Variants in GGA3 observed in about 807,000 individuals in gnomAD.
GGA3 encodes golgi associated, gamma adaptin ear containing, ARF binding protein 3.
Under a neutral mutation model 77.5 loss-of-function variants are expected in GGA3, and 57 were observed. That is an observed-to-expected ratio of 0.74 (90% CI 0.59 to 0.92). The LOEUF (loss-of-function observed/expected upper bound fraction) is 0.92, where lower values mean the gene tolerates loss of function less well. Among genes scored for constraint, GGA3 ranks in the 40% least tolerant of loss-of-function variants. The pLI, the probability that GGA3 is intolerant of heterozygous loss-of-function variation, is 0.00. For synonymous variants in GGA3, 416 were observed against 383.7 expected (o/e 1.08, Z -0.98); for missense variants, 970 against 914.9 (o/e 1.06, Z -0.78).
chr17:75,243,768 C>T (rs1443562506), intron 4 of GGA3, among the ~76,000 whole-genome samples, 198 bp from the exon 5 acceptor site: 1 of 152,146 alleles, frequency 6.6e-6, no homozygotes, highest in Non-Finnish European at 1.5e-5. Context: ...TGGATACAGT[C>T]TGTGGATAGG....
intron 1 of GGA3, among the ~76,000 whole-genome samples, chr17:75,250,943 T>G (rs1000105026): frequency 6.7e-6 from 1 of 150,088 alleles, no homozygotes; most frequent in Admixed American, 6.7e-5. Flanking sequence ...TAGCTGGGCA[T>G]GGTTCCGCGC....
In GGA3 at chr17:75,237,609, T is replaced by G. The variant is rs1717307967; in HGVS notation, c.*670A>C. On this transcript the variant is annotated 3_prime_UTR_variant, in exon 17 of 17. Transcript: ENST00000537686. ...GGGCCTGTCATGAGGCCAAATTCCATGTCCTGCCAAGATGTCCATAGGACA... is the reference window on the plus strand; with the variant it reads ...GGGCCTGTCATGAGGCCAAATTCCAGGTCCTGCCAAGATGTCCATAGGACA... The G allele has an allele frequency of 6.5e-7, 1 of 1,530,784 alleles. No individual in the cohort carries two copies. 94.8% of individuals were successfully genotyped at this position (1,530,784 alleles called of 1,614,324 possible).
rs747556788 is a variant in GGA3, at chr17:75,243,436, C to G, written c.424+11G>C. On this transcript the variant is annotated intron_variant, in intron 5 of 16. Transcript: ENST00000537686. ...GGGCTGCCTGGAGGCTGCGGGCAGG[C>G]AGACACGTACCCTGTCTCTTCAGCA... 2.5e-6 allele frequency: 4 copies of G among 1,613,958 alleles called. No homozygotes were observed. In the Admixed American group the frequency reaches 6.7e-5, roughly 27 times the overall value.
chr17:75,257,918 G>A (rs1212995068), intron 1 of GGA3, among the ~76,000 whole-genome samples: 3 of 152,100 alleles, frequency 2.0e-5, no homozygotes, highest in Admixed American at 6.6e-5. Context: ...ACATCCAGAT[G>A]GCCTGACGTA....
chr17:75,252,902 T>C (rs2077018799), intron 1 of GGA3, among the ~76,000 whole-genome samples: 1 of 152,186 alleles, frequency 6.6e-6, no homozygotes, highest in Admixed American at 6.5e-5. Context: ...CTTCACCGCC[T>C]ATCCCAAAAC....
At chr17:75,246,616 C>CT in intron 2 of GGA3, 32 bp from the exon 3 acceptor site, 2 of 1,602,098 alleles carry the variant, frequency 1.2e-6, no homozygotes, top group Non-Finnish European at 1.7e-6. Flanking sequence ...CTCCAGTGCA[C>CT]TAAGCCTGGG....
At chr17:75,261,908 C>A, upstream of GGA3, 2 of 1,608,438 alleles carry the variant, frequency 1.2e-6, no homozygotes, top group Non-Finnish European at 1.7e-6. Flanking sequence ...AAGATGGCTG[C>A]CCCCGCAGTG....
rs115317716 is a variant in GGA3 at position 75,240,798 on chromosome 17, C to A, written c.1192+14G>T. On this transcript the variant is annotated intron_variant, in intron 11 of 16. Coordinates refer to ENST00000537686, the MANE Select transcript of GGA3 (RefSeq NM_138619.4). ...CTGTCAGGGGATGCCCCTGACGCCCCCTGTGGGCCGCACCCAAGCAGAGTA... is the reference window on the plus strand; with the variant it reads ...CTGTCAGGGGATGCCCCTGACGCCCACTGTGGGCCGCACCCAAGCAGAGTA... 4 of 1,601,060 alleles carry A rather than the reference C, an allele frequency of 2.5e-6. No homozygotes were observed. The East Asian group carries it at 8.9e-5, about 36-fold the overall frequency.
rs779049790 is a variant in GGA3, at chr17:75,238,366, C to G, written c.2085G>C (p.Lys695Asn). ...GCTGCTCCCCCAGGGCGAAGGTCAG[C>G]TTATACCGAAGCCGCACCTTCTCCT... is the stretch of plus-strand genomic sequence containing the variant. Reference protein sequence around the residue: ...PLKEKVRLRYKLTFALGEQLS... With the variant: ...PLKEKVRLRYNLTFALGEQLS... The change falls in exon 17 of 17, where the codon AAG becomes AAC. Residue 695 changes from lysine to asparagine, a missense_variant. By Grantham distance (94) the Lys-to-Asn change is moderately conservative (BLOSUM62 0). Coordinates refer to ENST00000537686, the MANE Select transcript of GGA3 (RefSeq NM_138619.4). 1 of 1,613,846 alleles carries G rather than the reference C, an allele frequency of 6.2e-7. No homozygotes were observed. The highest frequency in any genetic ancestry group is 8.5e-7 in the Non-Finnish European group (1 of 1,179,978).
rs777651122 is a variant in GGA3 at position 75,240,972 on chromosome 17, T to A, written c.1032A>T (p.Pro344=). The change falls in exon 11 of 17, where the codon CCA becomes CCT. Residue 344 remains proline, a synonymous_variant. Coordinates refer to ENST00000537686, the MANE Select transcript of GGA3 (RefSeq NM_138619.4). ...TTNSLSSVLA[P]APTPPSSGIP... ...TGCCTGAGGAGGGTGGAGTAGGTGC[T>A]GGGGCCAACACGGAGGACAAACTGT... 6.8e-6 allele frequency: 11 copies of A among 1,614,058 alleles called. No individual in the cohort carries two copies. In the South Asian group the frequency reaches 1.1e-4, roughly 16 times the overall value.
At chr17:75,242,138 C>T in intron 8 of GGA3, 198 bp downstream of exon 8, 1 of 644,172 alleles carries the variant, frequency 1.6e-6, no homozygotes. Flanking sequence ...ACACCCTGGA[C>T]AAGTCAGCTG....
intron 7 of GGA3, 59 bp from the exon 8 acceptor site, chr17:75,242,532 C>A (rs1253921503): frequency 6.3e-7 from 1 of 1,587,282 alleles, no homozygotes; most frequent in Non-Finnish European, 8.6e-7. Flanking sequence ...TTTCCACTTC[C>A]ACCAGGTCAC....
chr17:75,253,100 C>T (rs567808502), intron 1 of GGA3, among the ~76,000 whole-genome samples: 79 of 152,306 alleles, frequency 5.2e-4, no homozygotes, highest in African/African-American at 1.9e-3. Context: ...GGAGATCAAT[C>T]CCCTGTCCTC....
intron 1 of GGA3, among the ~76,000 whole-genome samples, chr17:75,261,300 A>G (rs9909116): frequency 0.11 from 17,277 of 152,214 alleles, 2,768 homozygotes; most frequent in African/African-American, 0.35. Context: ...GGTGCCCGAC[A>G]GGAGCCCGAG....
At chr17:75,252,888 T>C (rs1016969080) in intron 1 of GGA3, among the ~76,000 whole-genome samples, 40 of 152,200 alleles carry the variant, frequency 2.6e-4, no homozygotes, top group Admixed American at 1.3e-4. Flanking sequence ...AACATTGCTC[T>C]TAACTTCACC....
chr17:75,239,661 G>T, intron 13 of GGA3, 90 bp from the exon 14 acceptor site: 1 of 1,448,270 alleles, frequency 6.9e-7, no homozygotes, highest in Non-Finnish European at 9.6e-7. Flanking sequence ...CTCTTACCCA[G>T]GCCCACCCCT....
intron 14 of GGA3, 144 bp from the exon 15 acceptor site, chr17:75,239,227 G>A (rs2076433990): frequency 1.0e-6 from 1 of 965,412 alleles, no homozygotes; most frequent in East Asian, 2.6e-5. Flanking sequence ...TCAGTGAGGA[G>A]CTTAAGACTG....
chr17:75,245,115 A>G (rs146755325), intron 3 of GGA3, among the ~76,000 whole-genome samples: 218 of 152,310 alleles, frequency 1.4e-3, no homozygotes, highest in African/African-American at 4.0e-3. Flanking sequence ...CTCACCAACA[A>G]TTGTGCAGGG....
chr17:75,243,228 A>G (rs773905128), intron 5 of GGA3, 62 bp from the exon 6 acceptor site: 11 of 1,287,028 alleles, frequency 8.5e-6, no homozygotes, highest in Non-Finnish European at 1.1e-5. Flanking sequence ...CCCTCCTCAT[A>G]CACCAAGGGC....
Sources: allele counts gnomAD v4.1 joint callset (sites outside exome capture counted in the v4.1 genomes callset), GRCh38; gene constraint gnomAD v4.1.1; transcripts MANE v1.5; gene names NCBI Gene and HGNC (gene_info 2026-07-23, HGNC 2026-07-21).